Variants in TCF4 observed in about 807,000 individuals in gnomAD.
The protein encoded by TCF4 is SL3-3 enhancer factor 2.
A neutral mutation model predicts 82.1 loss-of-function variants in TCF4; 3 were observed. That is an observed-to-expected ratio of 0.04 (90% CI 0.02 to 0.09). The LOEUF is 0.09. Ranked by LOEUF, TCF4 falls within the 10% of genes least tolerant of loss-of-function variation. The probability of loss-of-function intolerance (pLI) is 1.00; values close to 1 mark genes in which losing one functional copy is unlikely to be tolerated. For missense variants in TCF4, 518 were observed against 852.7 expected (o/e 0.61, Z 4.89); for synonymous variants, 276 against 309.6 (o/e 0.89, Z 1.14).
At chr18:55,583,244 C>T (rs1416852947) in intron 3 of TCF4, among the ~76,000 whole-genome samples, 1 of 152,114 alleles carries the variant, frequency 6.6e-6, no homozygotes, top group African/African-American at 2.4e-5. Context: ...TCCACACCTT[C>T]AAAATAATCA....
chr18:55,378,104 C>T (rs979927823), intron 6 of TCF4, among the ~76,000 whole-genome samples: 2 of 152,152 alleles, frequency 1.3e-5, no homozygotes, highest in Non-Finnish European at 2.9e-5. Context: ...AGGCTACCTT[C>T]TCTTCTCAGC....
chr18:55,378,398 G>A (rs1603421498), intron 6 of TCF4, among the ~76,000 whole-genome samples: 1 of 152,154 alleles, frequency 6.6e-6, no homozygotes, highest in Admixed American at 6.5e-5. Flanking sequence ...TATGAAATAT[G>A]TGCTAATGTT....
At chr18:55,497,006 C>CA (rs2096644916) in intron 3 of TCF4, among the ~76,000 whole-genome samples, 1 of 151,480 alleles carries the variant, frequency 6.6e-6, no homozygotes, top group African/African-American at 2.4e-5. Flanking sequence ...ACTCGTAAGG[C>CA]AAAAAAACAT....
chr18:55,541,935 A>T (rs2097168315), intron 3 of TCF4, among the ~76,000 whole-genome samples: 1 of 151,968 alleles, frequency 6.6e-6, no homozygotes, highest in Non-Finnish European at 1.5e-5. Context: ...AATACCACTG[A>T]GAATGTAGAT....
intron 3 of TCF4, among the ~76,000 whole-genome samples, chr18:55,531,753 G>C (rs1007353779): frequency 8.5e-5 from 13 of 152,134 alleles, no homozygotes; most frequent in African/African-American, 2.9e-4. Context: ...TTGTGCTTGG[G>C]TATGTTCCAC....
At chr18:55,433,985 A>C (rs1421737609) in intron 5 of TCF4, among the ~76,000 whole-genome samples, 1 of 152,126 alleles carries the variant, frequency 6.6e-6, no homozygotes, top group African/African-American at 2.4e-5. Flanking sequence ...CCCACTTGCA[A>C]CTTTTATTCT....
chr18:55,478,273 A>G (rs549635460), intron 3 of TCF4, among the ~76,000 whole-genome samples: 1 of 152,376 alleles, frequency 6.6e-6, no homozygotes, highest in East Asian at 1.9e-4. Context: ...TGTGGTCTGT[A>G]ACAGCACAGG....
At position 55,232,769 on chromosome 18, in the gene TCF4, T is replaced by C. The variant is rs562665998; in HGVS notation, c.1487-98A>G. 3.4e-6 allele frequency: 5 copies of C among 1,460,930 alleles called. No individual in the cohort carries two copies. In the South Asian group the frequency reaches 5.8e-5, roughly 17 times the overall value. The allele number at this position is 1,460,930 out of a possible 1,614,324, so 90.5% of individuals were successfully genotyped here. A position where few individuals can be genotyped will look rare whatever the true frequency, so the allele number is the denominator to read the frequency against. On this transcript the variant is annotated intron_variant, in intron 16 of 19. Transcript: ENST00000354452. ...CAGCAGACAATTCATACTGCTGAAC[T>C]GTGATCCTTCTGTCACTTTTTTTTC...
At position 55,242,181 on chromosome 18, in the gene TCF4, T is replaced by C. The variant is rs114381553; in HGVS notation, c.1351-7498A>G. Among the ~76,000 whole-genome samples the C allele has an allele frequency of 1.6e-3, 246 of 152,278 alleles. 1 individual carries two copies. The highest frequency in any genetic ancestry group is 5.7e-3 in the African/African-American group (238 of 41,556). On this transcript the variant is annotated intron_variant, in intron 15 of 19. Transcript: ENST00000354452. ...TGAGTGGATCTCCAGAAATCTCCAC[T>C]TTCTTGTCACCTCACGAGCTCACTA... is the stretch of plus-strand genomic sequence containing the variant.
intron 5 of TCF4, among the ~76,000 whole-genome samples, chr18:55,423,972 G>A (rs570474546): frequency 6.6e-6 from 1 of 152,184 alleles, no homozygotes; most frequent in East Asian, 1.9e-4. Flanking sequence ...GAGGAGTCCG[G>A]TCTTCCTCCT....
intron 8 of TCF4, among the ~76,000 whole-genome samples, chr18:55,317,721 T>C (rs978084318): frequency 9.2e-5 from 14 of 152,114 alleles, no homozygotes; most frequent in African/African-American, 3.1e-4. Flanking sequence ...ACAGGAAAAC[T>C]TTCTTCTAAG....
intron 2 of TCF4, chr18:55,585,724 C>G: frequency 9.2e-7 from 1 of 1,089,188 alleles, no homozygotes; most frequent in Non-Finnish European, 1.1e-6. Context: ...TATTGAAAAC[C>G]TTGGCCATAA....
chr18:55,528,839 C>T (rs1261706026), intron 3 of TCF4, among the ~76,000 whole-genome samples: 4 of 152,124 alleles, frequency 2.6e-5, no homozygotes. Context: ...TTCTGATGTC[C>T]TTGTTTCAGT....
At chr18:55,614,428 T>C (rs1382990519) in intron 2 of TCF4, among the ~76,000 whole-genome samples, 1 of 152,170 alleles carries the variant, frequency 6.6e-6, no homozygotes, top group African/African-American at 2.4e-5. Context: ...TCCACATCCC[T>C]AAAGCATAAG....
intron 8 of TCF4, among the ~76,000 whole-genome samples, chr18:55,289,920 T>C (rs543509349): frequency 1.2e-3 from 179 of 151,232 alleles, no homozygotes; most frequent in African/African-American, 4.0e-3. Flanking sequence ...TGGACATATG[T>C]GTGTGTGCAT....
intron 2 of TCF4, among the ~76,000 whole-genome samples, chr18:55,619,200 T>G (rs1388263417): frequency 6.6e-6 from 1 of 152,158 alleles, no homozygotes; most frequent in Non-Finnish European, 1.5e-5. Flanking sequence ...GTACAAATGC[T>G]CTTTCTTTAA....
intron 2 of TCF4, among the ~76,000 whole-genome samples, chr18:55,608,487 A>ATCTCCATT (rs2097704244): frequency 6.6e-6 from 1 of 151,338 alleles, no homozygotes; most frequent in South Asian, 2.1e-4. Context: ...TTAAATACGC[A>ATCTCCATT]TCTCCATTCC....
intron 3 of TCF4, among the ~76,000 whole-genome samples, chr18:55,494,004 T>A (rs997252536): frequency 6.6e-6 from 1 of 152,128 alleles, no homozygotes. Context: ...TGAGGTCACA[T>A]TTGATTTTGT....
At chr18:55,343,102 G>A (rs544554052) in intron 8 of TCF4, among the ~76,000 whole-genome samples, 2 of 152,136 alleles carry the variant, frequency 1.3e-5, no homozygotes, top group Admixed American at 1.3e-4. Flanking sequence ...TGGTAACAGT[G>A]ACACTTTTTG....
Sources: allele counts gnomAD v4.1 joint callset (sites outside exome capture counted in the v4.1 genomes callset), GRCh38; gene constraint gnomAD v4.1.1; transcripts MANE v1.5; gene names NCBI Gene and HGNC (gene_info 2026-07-23, HGNC 2026-07-21).